IGSF9: variants seen among roughly 807,000 people sequenced by gnomAD.
IGSF9 encodes the protein protein turtle homolog A.
In IGSF9, 87 loss-of-function variants were observed where a neutral mutation model predicts 121.7. That is an observed-to-expected ratio of 0.71 (90% confidence interval 0.60 to 0.85). The LOEUF (loss-of-function observed/expected upper bound fraction) is 0.85. Among genes scored for constraint, IGSF9 ranks in the 40% least tolerant of loss-of-function variants. The probability of loss-of-function intolerance (pLI) is 0.00; values close to 1 mark genes in which losing one functional copy is unlikely to be tolerated. For synonymous variants in IGSF9, 640 were observed against 648.4 expected (o/e 0.99, Z 0.20); for missense variants, 1,462 against 1,565.3 (o/e 0.93, Z 1.11).
intron 2 of IGSF9, 41 bp from the exon 3 acceptor site, chr1:159,943,192 G>T (rs776281890): frequency 6.5e-7 from 1 of 1,536,972 alleles, no homozygotes; most frequent in Admixed American, 2.2e-5. Context: ...GGGGGCTAGG[G>T]TCAGTGCTGG....
In IGSF9 at chr1:159,934,721, A is replaced by G; in HGVS notation, c.775T>C (p.Tyr259His). Residue 259 changes from tyrosine to histidine, a missense_variant, in exon 7 of 21, where the codon TAC (tyrosine) becomes CAC (histidine). By Grantham distance (83) the Tyr-to-His change is moderately conservative. Transcript: ENST00000368094. ...HAEAYPANLT[Y>H]SWFQDNINVF... ...TTGATGTTGTCCTGGAACCAGCTGT[A>G]GGTGAGGTTAGCAGGGTATGCCTCA... 1 of 1,614,234 alleles carries G rather than the reference A, an allele frequency of 6.2e-7. No homozygotes were observed. Among genetic ancestry groups the G allele is most frequent in the Non-Finnish European group, 8.5e-7 (1 of 1,180,026 alleles).
rs755765075 is a variant in IGSF9 at position 159,927,835 on chromosome 1, C to T, written c.3283G>A (p.Asp1095Asn). ...TGCAAAGTCTCCAGCAATTCCATGT[C>T]CCCAGGGAATTCTGAGTCCCACTCA... Reference protein sequence around the residue: ...NYEWDSEFPGDMELLETLHLG... With the variant: ...NYEWDSEFPGNMELLETLHLG... The change falls in exon 20 of 21, where the codon GAC (aspartate) becomes AAC (asparagine). Residue 1095 changes from aspartate to asparagine, a missense_variant. Physicochemically the swap from Asp to Asn is conservative, Grantham distance 23. Transcript: ENST00000368094. 1.9e-6 allele frequency: 3 copies of T among 1,613,288 alleles called. No homozygotes were observed. Among genetic ancestry groups the T allele is most frequent in the South Asian group, 2.2e-5 (2 of 91,060 alleles).
intron 14 of IGSF9, 80 bp downstream of exon 14, chr1:159,930,612 C>T (rs891801925): frequency 1.3e-6 from 2 of 1,586,556 alleles, no homozygotes; most frequent in South Asian, 1.1e-5. Flanking sequence ...CCTTCCCACC[C>T]AGGGCCTCCC....
intron 14 of IGSF9, 100 bp downstream of exon 14, chr1:159,930,592 C>T: frequency 6.4e-7 from 1 of 1,553,538 alleles, no homozygotes; most frequent in Admixed American, 1.9e-5. Context: ...AGCTGGCCAG[C>T]ACCTCTGCCC....
At position 159,932,203 on chromosome 1, in the gene IGSF9, T is replaced by C. The variant is rs1651023859; in HGVS notation, c.1246-275A>G. On this transcript the variant is annotated intron_variant, in intron 10 of 20. Coordinates refer to ENST00000368094, the MANE Select transcript of IGSF9 (RefSeq NM_001135050.2). The surrounding 1 kb of genome is among the most constrained non-coding windows in gnomAD (Gnocchi z 4.1). ...CAGGACTCTCAGAGATGTACAAACC[T>C]CTGCAGAACATTCTTCCTCCCAGAG... The C allele has an allele frequency of 1.8e-6, 1 of 570,648 alleles. No homozygotes were observed. The highest frequency in any genetic ancestry group is 3.3e-5 in the Admixed American group (1 of 30,454). 35.3% of individuals were successfully genotyped at this position (570,648 alleles called of 1,614,324 possible). A position where few individuals can be genotyped will look rare whatever the true frequency, so the allele number is the denominator to read the frequency against.
Position 159,936,489 on chromosome 1 carries a change from GGCGGATCCGCA to G in IGSF9, c.572_582del (p.Leu191ProfsTer18). 6.2e-7 allele frequency: 1 copy of G among 1,613,960 alleles called. No homozygotes were observed. The highest frequency in any genetic ancestry group is 1.1e-5 in the South Asian group (1 of 91,070). Reference sequence around the variant, plus strand: ...ACCCCAGAGCTGCCTCGCTCTACCCGGCGGATCCGCAGCGTCCCGTTCTGCACCTAGGGAAG... The same window carrying G: ...ACCCCAGAGCTGCCTCGCTCTACCCGGCGTCCCGTTCTGCACCTAGGGAAG... On this transcript the variant is annotated frameshift_variant, in exon 6 of 21. Coordinates refer to ENST00000368094, the MANE Select transcript of IGSF9 (RefSeq NM_001135050.2). LOFTEE classifies it high-confidence loss of function.
chr1:159,930,373 G>A lies in IGSF9; in HGVS notation c.1880C>T (p.Pro627Leu). Residue 627 changes from proline to leucine, a missense_variant, in exon 15 of 21, where the codon CCG becomes CTG. Pro to Leu is a moderately conservative substitution (Grantham distance 98). This residue lies in a region of IGSF9 where 808 missense variants were observed against 815.2 expected (regional missense o/e 0.99). Transcript: ENST00000368094. ...PTEIPPPLSP[P>L]RGLVAVRTPR... The stretch of plus-strand genomic sequence containing the variant: ...TGTCCTCACTGCCACCAGACCCCGC[G>A]GAGGGGACAGGGGAGGCGGTATCTC... The A allele has an allele frequency of 6.3e-7, 1 of 1,596,822 alleles. No homozygotes were observed. Among genetic ancestry groups the A allele is most frequent in the South Asian group, 1.1e-5 (1 of 89,076 alleles).
intron 1 of IGSF9, 123 bp from the exon 2 acceptor site, chr1:159,943,751 G>A (rs1042838532): frequency 4.3e-5 from 15 of 352,544 alleles, no homozygotes; most frequent in African/African-American, 1.7e-4. Flanking sequence ...GTGAGGGGTA[G>A]GGGGAAGGGG....
chr1:159,928,170 G>A lies in IGSF9; in HGVS notation c.3218C>T (p.Thr1073Ile), dbSNP rs756257733. The change falls in exon 19 of 21, where the codon ACA (threonine) becomes ATA (isoleucine). Residue 1073 changes from threonine to isoleucine, a missense_variant. Thr to Ile is a moderately conservative substitution (Grantham distance 89). Transcript: ENST00000368094. ...ERWPRREHVV[T>I]VSKRRNTSVD... ...GGACTGCTCTCACCTCTTGCTGACTGTCACCACATGCTCCCTTCGGGGCCA... is the reference window on the plus strand; with the variant it reads ...GGACTGCTCTCACCTCTTGCTGACTATCACCACATGCTCCCTTCGGGGCCA... 3.7e-6 allele frequency: 6 copies of A among 1,608,042 alleles called. No individual in the cohort carries two copies. Among genetic ancestry groups the A allele is most frequent in the Non-Finnish European group, 2.5e-6 (3 of 1,179,844 alleles).
chr1:159,929,576 G>C lies in IGSF9; in HGVS notation c.2326+62C>G, dbSNP rs998652076. 5 of 1,532,922 alleles carry C rather than the reference G, an allele frequency of 3.3e-6. 1 individual carries two copies. The African/African-American group carries it at 6.8e-5, about 21-fold the overall frequency. The allele number at this position is 1,532,922 out of a possible 1,614,324, so 95.0% of individuals were successfully genotyped here. A position where few individuals can be genotyped will look rare whatever the true frequency, so the allele number is the denominator to read the frequency against. On this transcript the variant is annotated intron_variant, in intron 17 of 20. Coordinates refer to ENST00000368094, the MANE Select transcript of IGSF9 (RefSeq NM_001135050.2). ...GAGCGAGGGCTTTTCCCCCAGGTAGGAGGGGCTTAAGGAGGCTAGGCCCAA... is the reference window on the plus strand; with the variant it reads ...GAGCGAGGGCTTTTCCCCCAGGTAGCAGGGGCTTAAGGAGGCTAGGCCCAA...
In IGSF9 at chr1:159,932,083, C is replaced by G. The variant is rs1489847436; in HGVS notation, c.1246-155G>C. On this transcript the variant is annotated intron_variant, in intron 10 of 20. Transcript: ENST00000368094. The surrounding 1 kb of genome is among the most constrained non-coding windows in gnomAD (Gnocchi z 4.1). ...CAAGCCTGTCTCTACCTCATTCTCT[C>G]TCCATCTCTCAATTCCTCTCTGGCT... is the stretch of plus-strand genomic sequence containing the variant. The G allele has an allele frequency of 1.0e-5, 6 of 594,088 alleles. No individual in the cohort carries two copies. The highest frequency in any genetic ancestry group is 1.9e-5 in the African/African-American group (1 of 53,682). 36.8% of individuals were successfully genotyped at this position (594,088 alleles called of 1,614,324 possible).
In IGSF9 at chr1:159,932,243, G is replaced by A; in HGVS notation, c.1245+269C>T. 1 of 577,564 alleles carries A rather than the reference G, an allele frequency of 1.7e-6. No homozygotes were observed. The allele number at this position is 577,564 out of a possible 1,614,324, so 35.8% of individuals were successfully genotyped here. On this transcript the variant is annotated intron_variant, in intron 10 of 20. Transcript: ENST00000368094. This position sits in a 1 kb window ranked among gnomAD's most constrained non-coding sequence, Gnocchi z 4.1. ...TCCTCCCAGAGCCCCAGAGAGGGAG[G>A]CAGCACGGTCAAGGTTAGTGAGAGT...
chr1:159,929,351 G>A lies in IGSF9; in HGVS notation c.2369C>T (p.Pro790Leu), dbSNP rs1650885256. The A allele has an allele frequency of 6.2e-7, 1 of 1,614,062 alleles. No homozygotes were observed. The highest frequency in any genetic ancestry group is 2.2e-5 in the East Asian group (1 of 44,888). ...IFSPTGKSAA[P>L]SALGSGSPDS... Reference sequence around the variant, plus strand: ...AAGCCAAGGAGGTGGAGGCACTTACGGTGCAGCTGACTTCCCGGTCGGAGA... The same window carrying A: ...AAGCCAAGGAGGTGGAGGCACTTACAGTGCAGCTGACTTCCCGGTCGGAGA... The change falls in exon 18 of 21, where the codon CCC becomes CTC. Residue 790 changes from proline (P) to leucine (L), a missense_variant and splice_region_variant. Coordinates refer to ENST00000368094, the MANE Select transcript of IGSF9 (RefSeq NM_001135050.2).
chr1:159,935,428 C>T (rs1205227064), intron 6 of IGSF9, among the ~76,000 whole-genome samples: 2 of 152,188 alleles, frequency 1.3e-5, no homozygotes, highest in Admixed American at 1.3e-4. Context: ...TGAACTCTTT[C>T]AGGTCAGTAT....
At chr1:159,942,131 T>C (rs1651402998) in intron 3 of IGSF9, among the ~76,000 whole-genome samples, 1 of 152,236 alleles carries the variant, frequency 6.6e-6, no homozygotes, top group African/African-American at 2.4e-5. Flanking sequence ...AGCCCAGACC[T>C]GTCCTTAGGG....
Position 159,931,457 on chromosome 1 carries a change from C to T in IGSF9, c.1509G>A (p.Val503=), listed in dbSNP as rs760159542. Residue 503 remains valine, a synonymous_variant, in exon 12 of 21, where the codon GTG becomes GTA. Coordinates refer to ENST00000368094, the MANE Select transcript of IGSF9 (RefSeq NM_001135050.2). This position sits in a 1 kb window ranked among gnomAD's most constrained non-coding sequence, Gnocchi z 4.8. ...GCCCTCTCTCCAGCCACTAACCCAG[C>T]ACGTAGACGTTCGTGGAGGTGGCCA... The part of the protein sequence containing the change: ...ARVATSTNVY[V]LGTSPHVVTN... 1 of 1,613,446 alleles carries T rather than the reference C, an allele frequency of 6.2e-7. No homozygotes were observed. The highest frequency in any genetic ancestry group is 2.2e-5 in the East Asian group (1 of 44,842).
chr1:159,931,755 C>T lies in IGSF9; in HGVS notation c.1362+57G>A, dbSNP rs997831459. Reference sequence around the variant, plus strand: ...TCCCTCCCACAAAATGGCTGGGGCACGAGAGGCAGGGGTGTAGTGGGCGTG... The same window carrying T: ...TCCCTCCCACAAAATGGCTGGGGCATGAGAGGCAGGGGTGTAGTGGGCGTG... On this transcript the variant is annotated intron_variant, in intron 11 of 20. Coordinates refer to ENST00000368094, the MANE Select transcript of IGSF9 (RefSeq NM_001135050.2). This position sits in a 1 kb window ranked among gnomAD's most constrained non-coding sequence, Gnocchi z 4.8. The T allele has an allele frequency of 2.5e-5, 36 of 1,463,510 alleles. No homozygotes were observed. The highest frequency in any genetic ancestry group is 7.5e-5 in the South Asian group (6 of 79,594). The allele number at this position is 1,463,510 out of a possible 1,614,324, so 90.7% of individuals were successfully genotyped here.
rs754727653 is a variant in IGSF9, at chr1:159,927,501, G to T, written c.3384C>A (p.Cys1128Ter). ...ELGVKTPEEG[C>*]LLNTAHVTGP... ...CAGTAACATGGGCAGTGTTCAGGAG[G>T]CAGCCCTCCTCTGGAGTCTTCACAC... is the stretch of plus-strand genomic sequence containing the variant. Residue 1128 changes from cysteine (C) to a stop codon, truncating the protein, a stop_gained, in exon 21 of 21, where the codon TGC (cysteine) becomes TGA (stop). Coordinates refer to ENST00000368094, the MANE Select transcript of IGSF9 (RefSeq NM_001135050.2). LOFTEE classifies it high-confidence loss of function. The T allele has an allele frequency of 6.2e-7, 1 of 1,613,746 alleles. No homozygotes were observed. The highest frequency in any genetic ancestry group is 8.5e-7 in the Non-Finnish European group (1 of 1,179,856).
chr1:159,931,662 C>G lies in IGSF9; in HGVS notation c.1363-59G>C. On this transcript the variant is annotated intron_variant, in intron 11 of 20. Coordinates refer to ENST00000368094, the MANE Select transcript of IGSF9 (RefSeq NM_001135050.2). The surrounding 1 kb of genome is among the most constrained non-coding windows in gnomAD (Gnocchi z 4.8). Reference sequence around the variant, plus strand: ...GCAGCCACCCCTCACCAAAGGCGCCCCTCATCTCTCCAGGCAGCTCCAGTT... The same window carrying G: ...GCAGCCACCCCTCACCAAAGGCGCCGCTCATCTCTCCAGGCAGCTCCAGTT... 6.3e-7 allele frequency: 1 copy of G among 1,584,480 alleles called. No homozygotes were observed. Among genetic ancestry groups the G allele is most frequent in the Non-Finnish European group, 8.6e-7 (1 of 1,160,758 alleles).
Sources: allele counts gnomAD v4.1 joint callset (sites outside exome capture counted in the v4.1 genomes callset), GRCh38; gene constraint gnomAD v4.1.1; regional missense constraint gnomAD v4.1.1; non-coding constraint Gnocchi (gnomAD v3.1); transcripts MANE v1.5; gene names NCBI Gene and HGNC (gene_info 2026-07-23, HGNC 2026-07-21).